C6orf118: variants seen among roughly 807,000 people sequenced by gnomAD.
C6orf118 encodes the protein chromosome 6 open reading frame 118, also known as uncharacterized protein C6orf118.
In C6orf118, 50 loss-of-function variants were observed where a neutral mutation model predicts 50.2. That is an observed-to-expected ratio of 1.00 (90% CI 0.79 to 1.26). The LOEUF (loss-of-function observed/expected upper bound fraction) is 1.26. Ranked by LOEUF, C6orf118 falls within the 50% of genes most tolerant of loss-of-function variation. C6orf118 has a pLI of 0.00. For synonymous variants in C6orf118, 239 were observed against 230.9 expected (o/e 1.03, Z -0.32); for missense variants, 641 against 578.7 (o/e 1.11, Z -1.10).
intron 1 of C6orf118, among the ~76,000 whole-genome samples, chr6:165,308,012 T>G (rs1266335040): frequency 6.6e-6 from 1 of 152,204 alleles, no homozygotes; most frequent in Non-Finnish European, 1.5e-5. Context: ...ACTGTGTGCT[T>G]CAGGGGTGGG....
intron 1 of C6orf118, among the ~76,000 whole-genome samples, chr6:165,303,388 C>T (rs985040881): frequency 2.7e-5 from 4 of 150,474 alleles, no homozygotes; most frequent in African/African-American, 2.5e-5. Context: ...AAAATTGACA[C>T]CCTAACATCA....
At chr6:165,285,931 G>T (rs894213794) in intron 7 of C6orf118, among the ~76,000 whole-genome samples, 1 of 151,282 alleles carries the variant, frequency 6.6e-6, no homozygotes, top group African/African-American at 2.4e-5. Flanking sequence ...GATCATGGCA[G>T]AACTGAAGGA....
intron 8 of C6orf118, chr6:165,281,423 T>G: frequency 9.3e-7 from 1 of 1,070,176 alleles, no homozygotes; most frequent in Non-Finnish European, 1.2e-6. Context: ...TTTAAATAAC[T>G]GATCTTGAGA....
intron 8 of C6orf118, 27 bp from the exon 9 acceptor site, chr6:165,280,137 A>G: frequency 6.8e-7 from 1 of 1,468,722 alleles, no homozygotes; most frequent in South Asian, 1.2e-5. Context: ...AATGAATACC[A>G]TAGGTTAGAA....
At position 165,298,149 on chromosome 6, in the gene C6orf118, G is replaced by A. The variant is rs145171429; in HGVS notation, c.937-48C>T. 77 of 1,513,332 alleles carry A rather than the reference G, an allele frequency of 5.1e-5. No homozygotes were observed. In the Middle Eastern group the frequency reaches 7.2e-4, roughly 14 times the overall value. The allele number at this position is 1,513,332 out of a possible 1,614,324, so 93.7% of individuals were successfully genotyped here. On this transcript the variant is annotated intron_variant, in intron 4 of 8. Transcript: ENST00000230301. The stretch of plus-strand genomic sequence containing the variant: ...GGTGAGACAAGCACACAGGGAGGGC[G>A]GGAGGACTCCCTTTCTTATTTGTCA...
chr6:165,298,042 A>G lies in C6orf118; in HGVS notation c.996T>C (p.Asp332=). 1 of 1,613,708 alleles carries G rather than the reference A, an allele frequency of 6.2e-7. No homozygotes were observed. Among genetic ancestry groups the G allele is most frequent in the Non-Finnish European group, 8.5e-7 (1 of 1,179,882 alleles). The change falls in exon 5 of 9, where the codon GAT becomes GAC. Residue 332 remains aspartate, a synonymous_variant. Coordinates refer to ENST00000230301, the MANE Select transcript of C6orf118 (RefSeq NM_144980.4). ...GQRPVKTADM[D]LAREELRMLV... ...GCATCCTCAGCTCTTCCCTGGCGAG[A>G]TCCATGTCCGCCGTCTTCACCGGCC...
intron 7 of C6orf118, among the ~76,000 whole-genome samples, chr6:165,282,611 T>G (rs1380336584): frequency 6.6e-6 from 1 of 151,350 alleles, no homozygotes; most frequent in East Asian, 2.0e-4. Context: ...TTCATAAAAG[T>G]GTCTGATACA....
chr6:165,291,243 T>C (rs1362685393), intron 6 of C6orf118, among the ~76,000 whole-genome samples: 3 of 151,684 alleles, frequency 2.0e-5, no homozygotes, highest in Non-Finnish European at 4.4e-5. Flanking sequence ...ATTTAGGAAA[T>C]AGAAAAAGAA....
intron 1 of C6orf118, among the ~76,000 whole-genome samples, chr6:165,308,516 AAGGGGT>A (rs1780826330): frequency 6.6e-6 from 1 of 152,102 alleles, no homozygotes; most frequent in African/African-American, 2.4e-5. Flanking sequence ...CTGGGCCTGG[AAGGGGT>A]TCTTCCCCAG....
chr6:165,297,857 GC>G, intron 5 of C6orf118, 119 bp downstream of exon 5: 6 of 1,435,172 alleles, frequency 4.2e-6, no homozygotes, highest in Non-Finnish European at 5.8e-6. Context: ...CATGATATTA[GC>G]AAAAGTAGCA....
At chr6:165,284,301 C>G (rs1462221514) in intron 7 of C6orf118, among the ~76,000 whole-genome samples, 1 of 152,020 alleles carries the variant, frequency 6.6e-6, no homozygotes, top group Non-Finnish European at 1.5e-5. Flanking sequence ...ATAAAAAAAG[C>G]CTCTGAGAAC....
intron 7 of C6orf118, among the ~76,000 whole-genome samples, chr6:165,286,623 C>A (rs1448824167): frequency 6.6e-6 from 1 of 152,032 alleles, no homozygotes; most frequent in African/African-American, 2.4e-5. Flanking sequence ...ACTGGTTTGA[C>A]ATACACAAAT....
At chr6:165,302,872 A>G (rs1780612471) in intron 1 of C6orf118, among the ~76,000 whole-genome samples, 1 of 152,200 alleles carries the variant, frequency 6.6e-6, no homozygotes, top group South Asian at 2.1e-4. Flanking sequence ...CATCATCTCA[A>G]TCAAAATTGT....
rs35713301 is a variant in C6orf118 at position 165,301,870 on chromosome 6, G to C, written c.452C>G (p.Ala151Gly). ...CTTTTCTTCCTTCCCCTCTCTGACA[G>C]CCTCCACTGGAAGGAAATCCTCCTC... ...TSEEDFLPVE[A>G]VREGKEEKKG... The change falls in exon 2 of 9, where the codon GCT becomes GGT. Residue 151 changes from alanine (A) to glycine (G), a missense_variant. Ala to Gly is a moderately conservative substitution (Grantham distance 60). Coordinates refer to ENST00000230301, the MANE Select transcript of C6orf118 (RefSeq NM_144980.4). 8.1e-6 allele frequency: 13 copies of C among 1,613,652 alleles called. No homozygotes were observed. Among genetic ancestry groups the C allele is most frequent in the Non-Finnish European group, 8.5e-6 (10 of 1,180,020 alleles).
At chr6:165,302,682 AC>A (rs1562337452) in intron 1 of C6orf118, among the ~76,000 whole-genome samples, 1 of 152,100 alleles carries the variant, frequency 6.6e-6, no homozygotes, top group South Asian at 2.1e-4. Flanking sequence ...AACGTATTTC[AC>A]CGGCCGGGGA....
chr6:165,306,383 G>A (rs1357864227), intron 1 of C6orf118, among the ~76,000 whole-genome samples: 275 of 115,926 alleles, frequency 2.4e-3, no homozygotes, highest in African/African-American at 7.6e-3. Flanking sequence ...TAGATGACAC[G>A]TTAGTGGGTG....
At chr6:165,289,677 A>AT (rs2128158576) in intron 7 of C6orf118, among the ~76,000 whole-genome samples, 1 of 152,292 alleles carries the variant, frequency 6.6e-6, no homozygotes, top group South Asian at 2.1e-4. Flanking sequence ...AGAAATCTAT[A>AT]GAATTTTTTT....
chr6:165,303,036 C>T (rs1583027054), intron 1 of C6orf118, among the ~76,000 whole-genome samples: 1 of 152,360 alleles, frequency 6.6e-6, no homozygotes, highest in South Asian at 2.1e-4. Context: ...AGATTTGCCC[C>T]CTTCATTTGC....
At chr6:165,280,285 T>C (rs1279108555) in intron 8 of C6orf118, among the ~76,000 whole-genome samples, 175 bp from the exon 9 acceptor site, 1 of 152,238 alleles carries the variant, frequency 6.6e-6, no homozygotes, top group Non-Finnish European at 1.5e-5. Flanking sequence ...TGGCCTTGAA[T>C]GTAACAGATT....
Sources: allele counts gnomAD v4.1 joint callset (sites outside exome capture counted in the v4.1 genomes callset), GRCh38; gene constraint gnomAD v4.1.1; transcripts MANE v1.5; gene names NCBI Gene and HGNC (gene_info 2026-07-23, HGNC 2026-07-21).